RORA: variants seen among roughly 807,000 people sequenced by gnomAD.
The protein encoded by RORA is nuclear receptor ROR-alpha.
A neutral mutation model predicts 69.5 loss-of-function variants in RORA; 7 were observed. The ratio of observed to expected loss-of-function variants is 0.10; its 90% CI spans 0.06 to 0.19. RORA has a LOEUF of 0.19. Ranked by LOEUF, RORA falls within the 10% of genes least tolerant of loss-of-function variation. RORA has a pLI of 1.00. For missense variants in RORA, 457 were observed against 663.0 expected, an observed-to-expected ratio of 0.69 and a Z score of 3.41; for synonymous variants, 261 against 240.8, an observed-to-expected ratio of 1.08 and a Z score of -0.78.
At chr15:60,857,361 A>G (rs2073391323) in intron 1 of RORA, among the ~76,000 whole-genome samples, 1 of 152,018 alleles carries the variant, frequency 6.6e-6, no homozygotes, top group African/African-American at 2.4e-5. Flanking sequence ...CCCGAGACTG[A>G]AATGATCTTT....
chr15:60,640,940 A>C (rs2069933494), intron 2 of RORA, among the ~76,000 whole-genome samples: 1 of 151,948 alleles, frequency 6.6e-6, no homozygotes, highest in African/African-American at 2.4e-5. Context: ...AAAAAAGGGG[A>C]CTATGCTTTT....
intron 3 of RORA, among the ~76,000 whole-genome samples, chr15:60,520,924 G>A (rs776071271): frequency 6.6e-5 from 10 of 152,266 alleles, no homozygotes; most frequent in Non-Finnish European, 1.3e-4. Flanking sequence ...TACATTTCAG[G>A]TAGTATACGT....
At chr15:61,057,379 C>T (rs1413286763) in intron 1 of RORA, among the ~76,000 whole-genome samples, 1 of 152,096 alleles carries the variant, frequency 6.6e-6, no homozygotes. Context: ...ACTTTTATGC[C>T]CCACACTCAC....
intron 1 of RORA, among the ~76,000 whole-genome samples, chr15:61,190,958 G>T (rs893290): frequency 0.96 from 146,777 of 152,140 alleles, 71,017 homozygotes; most frequent in East Asian, 1. Flanking sequence ...CTTACTGATC[G>T]TTAGTAGCTC....
chr15:61,005,278 G>A (rs185380395), intron 1 of RORA, among the ~76,000 whole-genome samples: 3 of 152,252 alleles, frequency 2.0e-5, no homozygotes, highest in Non-Finnish European at 4.4e-5. Context: ...TCAGGAGTTC[G>A]AGATCAGCCT....
intron 1 of RORA, among the ~76,000 whole-genome samples, chr15:60,746,353 A>C (rs1468401136): frequency 6.6e-6 from 1 of 152,052 alleles, no homozygotes; most frequent in Non-Finnish European, 1.5e-5. Context: ...GCCCAGTTGC[A>C]GCTTTTCAGA....
intron 2 of RORA, among the ~76,000 whole-genome samples, chr15:60,645,312 G>A (rs111237755): frequency 6.6e-6 from 1 of 151,778 alleles, no homozygotes; most frequent in Admixed American, 6.6e-5. Flanking sequence ...TGGCAAAAAG[G>A]ACAAAGGAGG....
At chr15:60,521,402 G>A (rs866997355) in intron 3 of RORA, among the ~76,000 whole-genome samples, 18 of 151,682 alleles carry the variant, frequency 1.2e-4, no homozygotes, top group South Asian at 6.3e-4. Context: ...CCACCACACC[G>A]AGCTAATTTT....
At chr15:61,085,351 G>A (rs146464938) in intron 1 of RORA, among the ~76,000 whole-genome samples, 1 of 152,264 alleles carries the variant, frequency 6.6e-6, no homozygotes, top group Non-Finnish European at 1.5e-5. Flanking sequence ...GTTTCATGGT[G>A]GGAAAGTGAC....
chr15:61,164,821 G>T (rs906231265), intron 1 of RORA, among the ~76,000 whole-genome samples: 16 of 152,248 alleles, frequency 1.1e-4, no homozygotes, highest in Admixed American at 3.3e-4. Context: ...GGTATGGAGG[G>T]ATAACAGAAA....
At chr15:61,190,387 G>A (rs558190243) in intron 1 of RORA, among the ~76,000 whole-genome samples, 3 of 152,316 alleles carry the variant, frequency 2.0e-5, no homozygotes, top group South Asian at 4.1e-4. Flanking sequence ...TATATGTCCT[G>A]CATAAAGTGA....
At chr15:61,109,985 C>T (rs1266758978) in intron 1 of RORA, among the ~76,000 whole-genome samples, 2 of 152,180 alleles carry the variant, frequency 1.3e-5, no homozygotes, top group Non-Finnish European at 2.9e-5. Context: ...TATAATGAAA[C>T]TAACAAATTC....
chr15:60,752,174 C>A (rs2071733407), intron 1 of RORA, among the ~76,000 whole-genome samples: 1 of 152,116 alleles, frequency 6.6e-6, no homozygotes, highest in African/African-American at 2.4e-5. Context: ...GAAAGAACAT[C>A]AGGCAGAGAG....
intron 1 of RORA, among the ~76,000 whole-genome samples, chr15:60,768,509 C>G (rs923530174): frequency 3.3e-5 from 5 of 152,196 alleles, no homozygotes; most frequent in African/African-American, 1.2e-4. Context: ...TGGACCTCAA[C>G]TGAACTTTCA....
chr15:60,586,455 GGTGTGTGT>G (rs146340386), intron 2 of RORA, among the ~76,000 whole-genome samples: 1 of 150,182 alleles, frequency 6.7e-6, no homozygotes, highest in Non-Finnish European at 1.5e-5. Context: ...GTATTAGAGG[GGTGTGTGT>G]GTGTGTGTGC....
intron 1 of RORA, among the ~76,000 whole-genome samples, chr15:60,926,489 A>G (rs548938829): frequency 6.6e-6 from 1 of 152,352 alleles, no homozygotes; most frequent in African/African-American, 2.4e-5. Flanking sequence ...TTGACTTCCC[A>G]GTGAAACAGA....
chr15:60,534,494 G>A lies in RORA; in HGVS notation c.197-2643C>T, dbSNP rs936583073. On this transcript the variant is annotated intron_variant, in intron 2 of 10. Transcript: ENST00000335670. The surrounding 1 kb of genome is among the most constrained non-coding windows in gnomAD (Gnocchi z 5.0). ...AGATTGACTTGTATTTCCAAACAGG[G>A]GGGCCATTCACTTAGATCTTTGTCC... Among the ~76,000 whole-genome samples, 5 of 152,046 alleles carry A rather than the reference G, an allele frequency of 3.3e-5. No individual in the cohort carries two copies. Among genetic ancestry groups the A allele is most frequent in the African/African-American group, 1.2e-4 (5 of 41,390 alleles).
intron 2 of RORA, among the ~76,000 whole-genome samples, chr15:60,629,603 C>T (rs2069688482): frequency 6.6e-6 from 1 of 152,116 alleles, no homozygotes; most frequent in Admixed American, 6.6e-5. Context: ...CTGTAAGAGG[C>T]CCTGAAATGG....
intron 1 of RORA, among the ~76,000 whole-genome samples, chr15:60,996,532 C>G (rs2140375334): frequency 6.6e-6 from 1 of 152,272 alleles, no homozygotes; most frequent in East Asian, 1.9e-4. Flanking sequence ...AGGTCTACAC[C>G]AGTACAATGA....
Sources: allele counts gnomAD v4.1 joint callset (sites outside exome capture counted in the v4.1 genomes callset), GRCh38; gene constraint gnomAD v4.1.1; non-coding constraint Gnocchi (gnomAD v3.1); transcripts MANE v1.5; gene names NCBI Gene and HGNC (gene_info 2026-07-23, HGNC 2026-07-21).